The following PEA15 variants were observed in gnomAD, a reference collection of about 807,000 sequenced individuals.
PEA15 encodes proliferation and apoptosis adaptor protein 15.
For missense variants in PEA15, 77 were observed against 161.3 expected, an observed-to-expected ratio of 0.48 and a Z score of 2.83; for synonymous variants, 60 against 61.8, an observed-to-expected ratio of 0.97 and a Z score of 0.13.
At chr1:160,209,917 G>A (rs564324557) in intron 1 of PEA15, among the ~76,000 whole-genome samples, 1 of 152,242 alleles carries the variant, frequency 6.6e-6, no homozygotes, top group African/African-American at 2.4e-5. Flanking sequence ...ATTGTTCCTG[G>A]CCCGGCCTGG....
At chr1:160,211,743 G>T in intron 2 of PEA15, 27 bp downstream of exon 2, 2 of 1,602,098 alleles carry the variant, frequency 1.2e-6, no homozygotes. Context: ...CAGGGGTCCT[G>T]TCATCAGTCA....
chr1:160,209,304 GCA>G (rs1654746889), intron 1 of PEA15, among the ~76,000 whole-genome samples: 2 of 152,036 alleles, frequency 1.3e-5, no homozygotes, highest in Admixed American at 6.5e-5. Flanking sequence ...TAAGATCCGA[GCA>G]CACACACATT....
intron 1 of PEA15, among the ~76,000 whole-genome samples, chr1:160,207,618 G>A (rs951800131): frequency 2.6e-5 from 4 of 152,072 alleles, no homozygotes; most frequent in Non-Finnish European, 4.4e-5. Flanking sequence ...CCTGCCTCTC[G>A]TCACTTCCAG....
In PEA15 at chr1:160,208,056, C is replaced by A. The variant is rs1235946339; in HGVS notation, c.-3+2534C>A. ...TCTCGAATTTACAGAGGATTTGGAA[C>A]CAAACGTTAGAAGGGATAATCTACC... On this transcript the variant is annotated intron_variant, in intron 1 of 3. Transcript: ENST00000360472. The surrounding 1 kb of genome is among the most constrained non-coding windows in gnomAD (Gnocchi z 4.1). 1.3e-5 allele frequency among the ~76,000 whole-genome samples: 2 copies of A among 152,218 alleles called. No homozygotes were observed. The highest frequency in any genetic ancestry group is 2.4e-5 in the African/African-American group (1 of 41,462).
chr1:160,210,283 C>T (rs978388886), intron 1 of PEA15, among the ~76,000 whole-genome samples: 18 of 152,220 alleles, frequency 1.2e-4, no homozygotes, highest in African/African-American at 4.1e-4. Flanking sequence ...ACAAGGTCAT[C>T]TTGCTGCTTG....
intron 1 of PEA15, among the ~76,000 whole-genome samples, chr1:160,207,616 T>C (rs1047045741): frequency 2.0e-5 from 3 of 152,176 alleles, no homozygotes; most frequent in African/African-American, 7.2e-5. Flanking sequence ...GTCCTGCCTC[T>C]CGTCACTTCC....
chr1:160,207,671 G>C (rs1455969397), intron 1 of PEA15, among the ~76,000 whole-genome samples: 1 of 152,104 alleles, frequency 6.6e-6, no homozygotes, highest in Non-Finnish European at 1.5e-5. Flanking sequence ...CTTGTTACAG[G>C]AGTAAAGACA....
rs980659211 is a variant in PEA15, at chr1:160,215,103, G to A, written c.*1617G>A. 2 of 152,664 alleles carry A rather than the reference G, an allele frequency of 1.3e-5. No individual in the cohort carries two copies. The highest frequency in any genetic ancestry group is 1.3e-4 in the Admixed American group (2 of 15,286). The allele number at this position is 152,664 out of a possible 1,614,324, so 9.5% of individuals were successfully genotyped here. On this transcript the variant is annotated 3_prime_UTR_variant, in exon 4 of 4. Transcript: ENST00000360472. ...ACTTGTAGAATTGGGTGGGGGGAAT[G>A]AGCATGAACTGTCCTTCCATTTGGG...
intron 1 of PEA15, among the ~76,000 whole-genome samples, chr1:160,210,856 C>G (rs570805297): frequency 6.6e-6 from 1 of 152,230 alleles, no homozygotes; most frequent in African/African-American, 2.4e-5. Context: ...AAAATGGGCT[C>G]CACAAAGGTG....
intron 1 of PEA15, among the ~76,000 whole-genome samples, chr1:160,210,439 T>G (rs921918427): frequency 6.6e-6 from 1 of 152,254 alleles, no homozygotes; most frequent in Non-Finnish European, 1.5e-5. Context: ...TCACATTTTA[T>G]CAAATCCAGA....
At chr1:160,206,107 G>GCACACACAGTGA (rs1654573986) in intron 1 of PEA15, 1 of 152,538 alleles carries the variant, frequency 6.6e-6, no homozygotes, top group Non-Finnish European at 1.5e-5. Flanking sequence ...AGGCACGCCA[G>GCACACACAGTGA]CACACACAGT....
chr1:160,211,281 GA>G, intron 1 of PEA15: 1 of 1,149,872 alleles, frequency 8.7e-7, no homozygotes. Flanking sequence ...GTTAGAGGGG[GA>G]AAACAGAAGA....
chr1:160,208,400 A>T lies in PEA15; in HGVS notation c.-3+2878A>T. 1.7e-6 allele frequency: 1 copy of T among 576,076 alleles called. No individual in the cohort carries two copies. Among genetic ancestry groups the T allele is most frequent in the South Asian group, 2.1e-5 (1 of 46,714 alleles). The allele number at this position is 576,076 out of a possible 1,614,324, so 35.7% of individuals were successfully genotyped here. On this transcript the variant is annotated intron_variant, in intron 1 of 3. Coordinates refer to ENST00000360472, the MANE Select transcript of PEA15 (RefSeq NM_003768.5). The surrounding 1 kb of genome is among the most constrained non-coding windows in gnomAD (Gnocchi z 4.1). Reference sequence around the variant, plus strand: ...CTAGCACAGAAAGCTGGGAGGGAAGAGGACTGACTTCCTGGCAGCCGGGGC... The same window carrying T: ...CTAGCACAGAAAGCTGGGAGGGAAGTGGACTGACTTCCTGGCAGCCGGGGC...
chr1:160,211,343 T>C (rs2101698234), intron 1 of PEA15, 200 bp from the exon 2 acceptor site: 11 of 1,273,536 alleles, frequency 8.6e-6, no homozygotes, highest in Non-Finnish European at 9.9e-6. Flanking sequence ...GGCTCCAGCC[T>C]GGCTCCTAGC....
chr1:160,213,943 C>T lies in PEA15; in HGVS notation c.*457C>T, dbSNP rs1049201. 2 of 183,020 alleles carry T rather than the reference C, an allele frequency of 1.1e-5. No individual in the cohort carries two copies. Among genetic ancestry groups the T allele is most frequent in the East Asian group, 2.7e-4 (2 of 7,308 alleles). The allele number at this position is 183,020 out of a possible 1,614,324, so 11.3% of individuals were successfully genotyped here. On this transcript the variant is annotated 3_prime_UTR_variant, in exon 4 of 4. Transcript: ENST00000360472. This position sits in a 1 kb window ranked among gnomAD's most constrained non-coding sequence, Gnocchi z 5.3. Reference sequence around the variant, plus strand: ...GGGGACGGAAGGCAAAGAGACCACTCAACCCCCACCTGGAAGGGGCAAAGA... The same window carrying T: ...GGGGACGGAAGGCAAAGAGACCACTTAACCCCCACCTGGAAGGGGCAAAGA...
rs550561072 is a variant in PEA15, at chr1:160,208,429, G to C, written c.-3+2907G>C. The C allele has an allele frequency of 6.6e-6, 4 of 603,566 alleles. No individual in the cohort carries two copies. The South Asian group carries it at 8.3e-5, about 13-fold the overall frequency. The allele number at this position is 603,566 out of a possible 1,614,324, so 37.4% of individuals were successfully genotyped here. A position where few individuals can be genotyped will look rare whatever the true frequency, so the allele number is the denominator to read the frequency against. Reference sequence around the variant, plus strand: ...CTGACTTCCTGGCAGCCGGGGCTCCGGTTCCTGATTCCTGCCCTGGTATCC... The same window carrying C: ...CTGACTTCCTGGCAGCCGGGGCTCCCGTTCCTGATTCCTGCCCTGGTATCC... On this transcript the variant is annotated intron_variant, in intron 1 of 3. Transcript: ENST00000360472. This position sits in a 1 kb window ranked among gnomAD's most constrained non-coding sequence, Gnocchi z 4.1.
Position 160,213,302 on chromosome 1 carries a change from C to T in PEA15, c.328+37C>T. 6.2e-7 allele frequency: 1 copy of T among 1,613,966 alleles called. No individual in the cohort carries two copies. The highest frequency in any genetic ancestry group is 8.5e-7 in the Non-Finnish European group (1 of 1,179,856). On this transcript the variant is annotated intron_variant, in intron 3 of 3. Coordinates refer to ENST00000360472, the MANE Select transcript of PEA15 (RefSeq NM_003768.5). This position sits in a 1 kb window ranked among gnomAD's most constrained non-coding sequence, Gnocchi z 5.3. Reference sequence around the variant, plus strand: ...CTCCTTTAACTAGCTGCACCTCTGCCTCGTCCCGTTGACTATCCTTGGAGT... The same window carrying T: ...CTCCTTTAACTAGCTGCACCTCTGCTTCGTCCCGTTGACTATCCTTGGAGT...
chr1:160,208,338 A>G lies in PEA15; in HGVS notation c.-3+2816A>G, dbSNP rs1571062279. 1 of 479,588 alleles carries G rather than the reference A, an allele frequency of 2.1e-6. No homozygotes were observed. 29.7% of individuals were successfully genotyped at this position (479,588 alleles called of 1,614,324 possible). ...CTGGGGCCAGCTTGGAAGGAGAGGG[A>G]GGCAGGAAGGAAGGAAGGTGTGAGG... On this transcript the variant is annotated intron_variant, in intron 1 of 3. Coordinates refer to ENST00000360472, the MANE Select transcript of PEA15 (RefSeq NM_003768.5). This position sits in a 1 kb window ranked among gnomAD's most constrained non-coding sequence, Gnocchi z 4.1.
Position 160,214,024 on chromosome 1 carries a change from A to G in PEA15, c.*538A>G, listed in dbSNP as rs918853224. On this transcript the variant is annotated 3_prime_UTR_variant, in exon 4 of 4. Transcript: ENST00000360472. Reference sequence around the variant, plus strand: ...GCTGGACTGTTTCCTGAGTACCAGCAGGTCCCTTTTTGTCTCTCATGGGCC... The same window carrying G: ...GCTGGACTGTTTCCTGAGTACCAGCGGGTCCCTTTTTGTCTCTCATGGGCC... 1 of 164,066 alleles carries G rather than the reference A, an allele frequency of 6.1e-6. No homozygotes were observed. The highest frequency in any genetic ancestry group is 2.4e-5 in the African/African-American group (1 of 41,548). The allele number at this position is 164,066 out of a possible 1,614,324, so 10.2% of individuals were successfully genotyped here.
Sources: allele counts gnomAD v4.1 joint callset (sites outside exome capture counted in the v4.1 genomes callset), GRCh38; gene constraint gnomAD v4.1.1; non-coding constraint Gnocchi (gnomAD v3.1); transcripts MANE v1.5; gene names NCBI Gene and HGNC (gene_info 2026-07-23, HGNC 2026-07-21).